LRP1B: variants seen among roughly 807,000 people sequenced by gnomAD.
LRP1B encodes LDL receptor related protein 1B, also known as low-density lipoprotein receptor-related protein 1B.
Under a neutral mutation model 556.6 loss-of-function variants are expected in LRP1B, and 217 were observed. The observed-to-expected ratio is 0.39, with a 90% CI of 0.35 to 0.44. The LOEUF is 0.44. Ranked by LOEUF, LRP1B falls within the 20% of genes least tolerant of loss-of-function variation. The pLI is 1.00. For missense variants in LRP1B, 5,053 were observed against 5,620.8 expected, an observed-to-expected ratio of 0.90 and a Z score of 3.23; for synonymous variants, 2,047 against 1,865.8, an observed-to-expected ratio of 1.10 and a Z score of -2.50.
intron 2 of LRP1B, among the ~76,000 whole-genome samples, chr2:141,490,588 T>C (rs1354821550): frequency 6.6e-6 from 1 of 152,144 alleles, no homozygotes; most frequent in South Asian, 2.1e-4. Flanking sequence ...TGTCATTAGT[T>C]ATAGCCTTAG....
intron 1 of LRP1B, among the ~76,000 whole-genome samples, chr2:141,865,326 C>T (rs1335180538): frequency 3.9e-5 from 6 of 152,020 alleles, no homozygotes; most frequent in Non-Finnish European, 8.8e-5. Context: ...GGCGCGGTGG[C>T]TCACGCCTGT....
chr2:141,667,948 A>T (rs1411290613), intron 2 of LRP1B, among the ~76,000 whole-genome samples: 4 of 152,228 alleles, frequency 2.6e-5, no homozygotes, highest in Non-Finnish European at 5.9e-5. Context: ...AGAAGAAAGT[A>T]ATACATGCTT....
At chr2:141,138,001 A>T (rs1287030812) in intron 7 of LRP1B, among the ~76,000 whole-genome samples, 1 of 151,938 alleles carries the variant, frequency 6.6e-6, no homozygotes, top group East Asian at 1.9e-4. Flanking sequence ...GGACAACCAC[A>T]GATCTACCTC....
chr2:140,401,178 G>A (rs1684483968), intron 66 of LRP1B, among the ~76,000 whole-genome samples: 1 of 152,198 alleles, frequency 6.6e-6, no homozygotes, highest in Non-Finnish European at 1.5e-5. Context: ...CATGAGTGCA[G>A]GAGCTGGGTG....
chr2:140,812,528 G>C (rs1173911339), intron 32 of LRP1B, among the ~76,000 whole-genome samples: 2 of 151,486 alleles, frequency 1.3e-5, no homozygotes, highest in Non-Finnish European at 2.9e-5. Flanking sequence ...TTCCAAATCT[G>C]TCTCAATTAA....
chr2:141,144,221 A>AGATGAAAAG (rs1396239932), intron 7 of LRP1B, among the ~76,000 whole-genome samples: 4 of 152,180 alleles, frequency 2.6e-5, no homozygotes, highest in Non-Finnish European at 4.4e-5. Context: ...GTCTCTAGAT[A>AGATGAAAAG]TTTAGATGAA....
intron 46 of LRP1B, among the ~76,000 whole-genome samples, chr2:140,535,141 T>A (rs1375858244): frequency 1.3e-5 from 2 of 152,110 alleles, no homozygotes; most frequent in South Asian, 4.1e-4. Context: ...AGAAAGCATA[T>A]ATGATCCACA....
intron 2 of LRP1B, among the ~76,000 whole-genome samples, chr2:141,711,201 G>C (rs1029413069): frequency 6.6e-6 from 1 of 152,068 alleles, no homozygotes; most frequent in African/African-American, 2.4e-5. Context: ...GGTGGTCCCT[G>C]GTACCACCCA....
intron 18 of LRP1B, among the ~76,000 whole-genome samples, chr2:140,963,370 G>A (rs1027363971): frequency 6.6e-6 from 1 of 151,956 alleles, no homozygotes; most frequent in African/African-American, 2.4e-5. Flanking sequence ...TGCCATCCAC[G>A]ACCTAGATTT....
chr2:140,375,957 T>C (rs946517915), intron 68 of LRP1B, among the ~76,000 whole-genome samples: 9 of 152,096 alleles, frequency 5.9e-5, no homozygotes, highest in African/African-American at 2.2e-4. Context: ...ATTCTCCCAA[T>C]TTTTATTCTT....
At chr2:140,439,724 T>C (rs1573940769) in intron 66 of LRP1B, among the ~76,000 whole-genome samples, 1 of 152,070 alleles carries the variant, frequency 6.6e-6, no homozygotes. Flanking sequence ...CTATATTTAA[T>C]TTACATCTAT....
intron 1 of LRP1B, among the ~76,000 whole-genome samples, chr2:141,890,390 A>ATGTATT (rs375936846): frequency 0.42 from 57,285 of 135,518 alleles, 12,676 homozygotes; most frequent in Admixed American, 0.5. Context: ...ATACATATAT[A>ATGTATT]GTGTATATAT....
chr2:141,228,215 T>A (rs1683319064), intron 6 of LRP1B, among the ~76,000 whole-genome samples: 1 of 152,198 alleles, frequency 6.6e-6, no homozygotes, highest in Admixed American at 6.5e-5. Flanking sequence ...TCTCTTAATT[T>A]TTCTACAGAT....
chr2:140,714,346 T>C (rs1687138605), intron 37 of LRP1B, among the ~76,000 whole-genome samples: 1 of 152,118 alleles, frequency 6.6e-6, no homozygotes, highest in African/African-American at 2.4e-5. Context: ...TTTTGCCTAA[T>C]ATTCTGAATC....
chr2:141,996,842 CAG>C (rs1348109150), intron 1 of LRP1B, among the ~76,000 whole-genome samples: 1 of 151,838 alleles, frequency 6.6e-6, no homozygotes, highest in African/African-American at 2.4e-5. Context: ...AGTAAAATGT[CAG>C]AGAGAGAAAA....
intron 27 of LRP1B, among the ~76,000 whole-genome samples, chr2:140,865,760 T>A (rs1692930620): frequency 6.6e-6 from 1 of 152,038 alleles, no homozygotes; most frequent in African/African-American, 2.4e-5. Context: ...TTAAATTACA[T>A]CCACATAGTA....
At chr2:140,675,904 C>G (rs1178988021) in intron 41 of LRP1B, among the ~76,000 whole-genome samples, 1 of 152,124 alleles carries the variant, frequency 6.6e-6, no homozygotes, top group Non-Finnish European at 1.5e-5. Context: ...GTATTCTGCT[C>G]TCATTATCAA....
At chr2:141,884,843 A>G (rs188375137) in intron 1 of LRP1B, among the ~76,000 whole-genome samples, 151 of 152,248 alleles carry the variant, frequency 9.9e-4, no homozygotes, top group Middle Eastern at 6.8e-3. Flanking sequence ...AAAGCAAACT[A>G]TCTTTGAGGT....
chr2:141,517,024 A>AC (rs1256434954), intron 2 of LRP1B, among the ~76,000 whole-genome samples: 8,980 of 136,422 alleles, frequency 0.066, 1,144 homozygotes, highest in South Asian at 0.11. Flanking sequence ...AAAAAAAAAA[A>AC]AAAAAAAAGT....
Sources: allele counts gnomAD v4.1 joint callset (sites outside exome capture counted in the v4.1 genomes callset), GRCh38; gene constraint gnomAD v4.1.1; transcripts MANE v1.5; gene names NCBI Gene and HGNC (gene_info 2026-07-23, HGNC 2026-07-21).